ASTN2: variants seen among roughly 807,000 people sequenced by gnomAD.
The protein encoded by ASTN2 is astrotactin-2.
In ASTN2, 54 loss-of-function variants were observed where a neutral mutation model predicts 139.8. The observed-to-expected ratio is 0.39, with a 90% CI of 0.31 to 0.48. ASTN2 has a LOEUF of 0.48. Among genes scored for constraint, ASTN2 ranks in the 20% least tolerant of loss-of-function variants. The pLI is 0.95. For synonymous variants in ASTN2, 756 were observed against 719.5 expected, an observed-to-expected ratio of 1.05 and a Z score of -0.81; for missense variants, 1,565 against 1,725.1, an observed-to-expected ratio of 0.91 and a Z score of 1.64.
chr9:116,775,598 AGGG>A (rs1564260222), intron 13 of ASTN2, among the ~76,000 whole-genome samples: 1 of 59,006 alleles, frequency 1.7e-5, no homozygotes, highest in African/African-American at 6.7e-5. Flanking sequence ...GGAGGGAGGG[AGGG>A]AGGGAAAGAA....
Position 117,047,141 on chromosome 9 carries a change from T to G in ASTN2, c.1277-7176A>C, listed in dbSNP as rs182964566. On this transcript the variant is annotated intron_variant, in intron 5 of 22. Transcript: ENST00000313400. ...CTGCCATATTTCTGGAAACTGAAAT[T>G]GGGACACGTCATCTGACAAGTGCAA... is the stretch of plus-strand genomic sequence containing the variant. 9.2e-5 allele frequency among the ~76,000 whole-genome samples: 14 copies of G among 152,302 alleles called. No individual in the cohort carries two copies. In the East Asian group the frequency reaches 1.9e-3, roughly 21 times the overall value.
intron 19 of ASTN2, chr9:116,612,633 C>A (rs1013586703): frequency 6.6e-6 from 1 of 152,032 alleles, no homozygotes; most frequent in Non-Finnish European, 1.5e-5. Context: ...GGGTACATAA[C>A]GAAATGAAAG....
At chr9:116,764,707 C>A (rs1207447550) in intron 13 of ASTN2, among the ~76,000 whole-genome samples, 2 of 152,084 alleles carry the variant, frequency 1.3e-5, no homozygotes, top group Non-Finnish European at 2.9e-5. Flanking sequence ...GAAGTGTGAT[C>A]CCTTTCTTAA....
chr9:117,295,451 C>T (rs1834706140), intron 1 of ASTN2, among the ~76,000 whole-genome samples: 1 of 152,086 alleles, frequency 6.6e-6, no homozygotes, highest in African/African-American at 2.4e-5. Flanking sequence ...GTCTTATTTC[C>T]TGCCATCTCT....
chr9:117,344,608 T>C (rs1342312798), intron 1 of ASTN2, among the ~76,000 whole-genome samples: 2 of 152,164 alleles, frequency 1.3e-5, no homozygotes, highest in African/African-American at 2.4e-5. Context: ...ATGGACAACA[T>C]AGCAGCTCCT....
chr9:116,522,318 G>A (rs1354105853), intron 19 of ASTN2, among the ~76,000 whole-genome samples: 1 of 152,110 alleles, frequency 6.6e-6, no homozygotes, highest in African/African-American at 2.4e-5. Flanking sequence ...TATATACCAT[G>A]GAATACTGCT....
At chr9:117,029,767 ACTAT>A (rs976204162) in intron 6 of ASTN2, among the ~76,000 whole-genome samples, 71 of 152,066 alleles carry the variant, frequency 4.7e-4, no homozygotes, top group African/African-American at 1.6e-3. Flanking sequence ...ATGCATTTTA[ACTAT>A]CTATCTTCCT....
intron 1 of ASTN2, among the ~76,000 whole-genome samples, chr9:117,318,846 T>G (rs372920014): frequency 1.4e-4 from 22 of 152,278 alleles, no homozygotes; most frequent in African/African-American, 4.8e-4. Flanking sequence ...GGTTCTGAGA[T>G]CTTATTGTTA....
chr9:116,769,479 G>T (rs1829900322), intron 13 of ASTN2, among the ~76,000 whole-genome samples: 2 of 152,174 alleles, frequency 1.3e-5, no homozygotes, highest in African/African-American at 4.8e-5. Flanking sequence ...AGGCAAATGA[G>T]GAGGGGATGA....
chr9:117,177,255 G>A (rs1157135122), intron 3 of ASTN2, among the ~76,000 whole-genome samples: 1 of 152,142 alleles, frequency 6.6e-6, no homozygotes, highest in African/African-American at 2.4e-5. Context: ...TTTATGCTCT[G>A]TAACTAACTT....
In ASTN2 at chr9:116,471,811, A is replaced by G. The variant is rs145954561; in HGVS notation, c.3497+15548T>C. Among the ~76,000 whole-genome samples, 182 of 152,308 alleles carry G rather than the reference A, an allele frequency of 1.2e-3. No homozygotes were observed. The East Asian group carries it at 0.017, about 14-fold the overall frequency. On this transcript the variant is annotated intron_variant, in intron 20 of 22. Transcript: ENST00000313400. Reference sequence around the variant, plus strand: ...GATGCAGGAAGAGGCTTGGTCTCCAAGGTTAGGCAATTTTTCAAAGGCTAC... The same window carrying G: ...GATGCAGGAAGAGGCTTGGTCTCCAGGGTTAGGCAATTTTTCAAAGGCTAC...
Position 116,975,270 on chromosome 9 carries a change from G to A in ASTN2, c.1827C>T (p.Ser609=), listed in dbSNP as rs1294984896. 3 of 1,613,492 alleles carry A rather than the reference G, an allele frequency of 1.9e-6. No homozygotes were observed. The South Asian group carries it at 3.3e-5, about 18-fold the overall frequency. Reference sequence around the variant, plus strand: ...TCTTGCAGCTGGCCAGGGGGTTGATGGACAGCTCCACAGGCGGAACCACAA... The same window carrying A: ...TCTTGCAGCTGGCCAGGGGGTTGATAGACAGCTCCACAGGCGGAACCACAA... ...KSFVVPPVEL[S]INPLASCKTD... Residue 609 remains serine, a synonymous_variant, in exon 10 of 23, where the codon TCC becomes TCT. Coordinates refer to ENST00000313400, the MANE Select transcript of ASTN2 (RefSeq NM_001365068.1).
chr9:116,436,672 G>A (rs951462133), intron 22 of ASTN2, among the ~76,000 whole-genome samples: 3 of 152,178 alleles, frequency 2.0e-5, no homozygotes, highest in Non-Finnish European at 4.4e-5. Context: ...GTGGAGGTGG[G>A]CTGTGATTCC....
chr9:117,333,029 G>A (rs935783118), intron 1 of ASTN2, among the ~76,000 whole-genome samples: 4 of 152,062 alleles, frequency 2.6e-5, no homozygotes, highest in Non-Finnish European at 4.4e-5. Context: ...TTCTTTTCAC[G>A]GTGATAAAAA....
At chr9:117,160,893 G>C (rs954595720) in intron 3 of ASTN2, among the ~76,000 whole-genome samples, 2 of 152,000 alleles carry the variant, frequency 1.3e-5, no homozygotes, top group Non-Finnish European at 2.9e-5. Flanking sequence ...AATGGGAAGA[G>C]ATGGTGATTT....
chr9:116,433,518 G>C (rs547768694), intron 22 of ASTN2, among the ~76,000 whole-genome samples: 1 of 152,180 alleles, frequency 6.6e-6, no homozygotes, highest in Admixed American at 6.5e-5. Context: ...GCCCAGAGGT[G>C]CACAATTTTC....
chr9:116,989,653 G>A (rs1836791696), intron 7 of ASTN2, among the ~76,000 whole-genome samples: 1 of 145,956 alleles, frequency 6.9e-6, no homozygotes, highest in South Asian at 2.2e-4. Flanking sequence ...GTGCAATCTC[G>A]GCTCACTGCA....
At chr9:116,805,314 G>A (rs1290356426) in intron 13 of ASTN2, among the ~76,000 whole-genome samples, 1 of 152,048 alleles carries the variant, frequency 6.6e-6, no homozygotes, top group Non-Finnish European at 1.5e-5. Flanking sequence ...TTATTTTTCA[G>A]TAGACTGAAA....
intron 11 of ASTN2, among the ~76,000 whole-genome samples, chr9:116,838,589 A>ATT (rs34871450): frequency 0.035 from 4,612 of 130,104 alleles, 295 homozygotes; most frequent in African/African-American, 0.12. Flanking sequence ...ATGCCCAGCA[A>ATT]TTTTTTTTTT....
Sources: gnomAD v4.1 joint callset for allele counts (sites outside exome capture counted in the v4.1 genomes callset) on GRCh38, gnomAD v4.1.1 for gene constraint, MANE v1.5 for transcripts, NCBI Gene and HGNC (gene_info 2026-07-23, HGNC 2026-07-21) for gene names.